The following GAB2 variants were observed in gnomAD, a reference collection of about 807,000 sequenced individuals.
GAB2 encodes the protein GRB2 associated binding protein 2, also known as GRB2-associated-binding protein 2.
A neutral mutation model predicts 65.5 loss-of-function variants in GAB2; 26 were observed. The ratio of observed to expected loss-of-function variants is 0.40; its 90% confidence interval spans 0.29 to 0.55. The LOEUF (loss-of-function observed/expected upper bound fraction) is 0.55. Ranked by LOEUF, GAB2 falls within the 20% of genes least tolerant of loss-of-function variation. GAB2 has a pLI of 0.53. For synonymous variants in GAB2, 321 were observed against 329.6 expected (o/e 0.97, Z 0.28); for missense variants, 884 against 875.8 (o/e 1.01, Z -0.12).
chr11:78,330,121 T>C (rs1855890571), intron 1 of GAB2, among the ~76,000 whole-genome samples: 2 of 152,164 alleles, frequency 1.3e-5, no homozygotes, highest in South Asian at 4.1e-4. Context: ...TGACCTCCCA[T>C]ACCCGAGACC....
intron 1 of GAB2, chr11:78,341,742 T>C: frequency 1.0e-6 from 1 of 985,776 alleles, no homozygotes; most frequent in African/African-American, 1.7e-5. Context: ...GCCATACTCT[T>C]TGTTTCCCAA....
At chr11:78,254,686 C>T (rs1865547563) in intron 2 of GAB2, among the ~76,000 whole-genome samples, 1 of 151,966 alleles carries the variant, frequency 6.6e-6, no homozygotes, top group Non-Finnish European at 1.5e-5. Flanking sequence ...GTAGGCCTAG[C>T]TACTTAGGAG....
In GAB2 at chr11:78,379,750, A is replaced by G. The variant is rs558124421; in HGVS notation, c.75+37896T>C. ...GTCATGTCTGTCATTGTGACTGAAC[A>G]AATACAACCCTGAACAAATAAATCA... is the stretch of plus-strand genomic sequence containing the variant. On this transcript the variant is annotated intron_variant, in intron 1 of 9. Coordinates refer to ENST00000361507, the MANE Select transcript of GAB2 (RefSeq NM_080491.3). Among the ~76,000 whole-genome samples the G allele has an allele frequency of 9.2e-5, 14 of 152,358 alleles. No individual in the cohort carries two copies. In the South Asian group the frequency reaches 2.5e-3, roughly 27 times the overall value.
rs1273316021 is a variant in GAB2 at position 78,302,154 on chromosome 11, C to T, written c.76-21253G>A. Among the ~76,000 whole-genome samples the T allele has an allele frequency of 2.0e-5, 3 of 152,038 alleles. No homozygotes were observed. The East Asian group carries it at 5.8e-4, about 29-fold the overall frequency. ...AGGAAAAGATTTCATGACCATGAAC[C>T]CAAAAGCACAGGTAATAAAAACAAA... On this transcript the variant is annotated intron_variant, in intron 1 of 9. Coordinates refer to ENST00000361507, the MANE Select transcript of GAB2 (RefSeq NM_080491.3).
intron 1 of GAB2, among the ~76,000 whole-genome samples, chr11:78,411,332 T>A (rs528006966): frequency 5.9e-5 from 9 of 152,146 alleles, no homozygotes; most frequent in Admixed American, 2.0e-4. Context: ...CAAGACTTTC[T>A]TTTTTTTGCA....
chr11:78,300,314 T>C (rs973465079), intron 1 of GAB2, among the ~76,000 whole-genome samples: 2 of 139,832 alleles, frequency 1.4e-5, no homozygotes, highest in Non-Finnish European at 2.9e-5. Flanking sequence ...CTGAGTAGTG[T>C]ATGATGGAGG....
chr11:78,278,530 G>A (rs1024582231), intron 2 of GAB2, among the ~76,000 whole-genome samples: 9 of 151,376 alleles, frequency 5.9e-5, no homozygotes, highest in African/African-American at 1.5e-4. Flanking sequence ...ACAGGTGCAC[G>A]TCACCACAGC....
At chr11:78,251,712 T>C (rs935360750) in intron 2 of GAB2, among the ~76,000 whole-genome samples, 25 of 151,860 alleles carry the variant, frequency 1.6e-4, no homozygotes, top group South Asian at 1.3e-3. Flanking sequence ...TACACAGATA[T>C]CATATTCTCT....
At chr11:78,271,666 G>GT (rs769713336) in intron 2 of GAB2, among the ~76,000 whole-genome samples, 5 of 152,160 alleles carry the variant, frequency 3.3e-5, no homozygotes, top group Non-Finnish European at 7.3e-5. Context: ...AAGTAAACAT[G>GT]TAAGTTTTTA....
chr11:78,255,726 G>A (rs1241015198), intron 2 of GAB2, among the ~76,000 whole-genome samples: 2 of 152,212 alleles, frequency 1.3e-5, no homozygotes, highest in African/African-American at 4.8e-5. Context: ...TTGGTAAGTG[G>A]AGTACATTCT....
intron 3 of GAB2, among the ~76,000 whole-genome samples, chr11:78,228,283 G>C (rs149372544): frequency 2.0e-5 from 3 of 152,336 alleles, no homozygotes; most frequent in African/African-American, 7.2e-5. Context: ...AGGGATTTAG[G>C]TCTGCTTCTT....
chr11:78,374,131 GAC>G (rs1856605009), intron 1 of GAB2, among the ~76,000 whole-genome samples: 1 of 152,170 alleles, frequency 6.6e-6, no homozygotes, highest in Non-Finnish European at 1.5e-5. Context: ...GCCAACTTTA[GAC>G]ACACATTCTA....
intron 1 of GAB2, among the ~76,000 whole-genome samples, chr11:78,375,719 A>G (rs1218253487): frequency 2.0e-5 from 3 of 152,220 alleles, no homozygotes; most frequent in African/African-American, 4.8e-5. Flanking sequence ...AAGCTTACAT[A>G]GTCAGTGATA....
intron 1 of GAB2, among the ~76,000 whole-genome samples, chr11:78,394,850 C>T (rs762215911): frequency 2.6e-5 from 4 of 152,196 alleles, no homozygotes; most frequent in Non-Finnish European, 5.9e-5. Flanking sequence ...AACTAAATAC[C>T]AGTTTCTTCT....
chr11:78,243,045 C>T (rs1277240769), intron 3 of GAB2, among the ~76,000 whole-genome samples: 1 of 151,758 alleles, frequency 6.6e-6, no homozygotes, highest in East Asian at 1.9e-4. Flanking sequence ...GCCTGTAATC[C>T]CAGCTACTCG....
At chr11:78,303,318 T>C (rs144463451) in intron 1 of GAB2, among the ~76,000 whole-genome samples, 7 of 152,200 alleles carry the variant, frequency 4.6e-5, no homozygotes, top group Non-Finnish European at 1.5e-5. Context: ...TTAGCTTTGA[T>C]ATTTGTCTAT....
At chr11:78,390,547 C>G (rs569106100) in intron 1 of GAB2, among the ~76,000 whole-genome samples, 1 of 152,186 alleles carries the variant, frequency 6.6e-6, no homozygotes, top group African/African-American at 2.4e-5. Context: ...CAAGATGGTG[C>G]CATTGCACTC....
chr11:78,216,326 T>G lies in GAB2; in HGVS notation c.*2946A>C, dbSNP rs1264670083. On this transcript the variant is annotated 3_prime_UTR_variant, in exon 10 of 10. Coordinates refer to ENST00000361507, the MANE Select transcript of GAB2 (RefSeq NM_080491.3). ...GTGCTGAGTGGGAAGGTATCCCCTTTCCGTAGGCTCAGTCCTCTCCAGGCC... is the reference window on the plus strand; with the variant it reads ...GTGCTGAGTGGGAAGGTATCCCCTTGCCGTAGGCTCAGTCCTCTCCAGGCC... 6.6e-6 allele frequency: 1 copy of G among 152,106 alleles called. No individual in the cohort carries two copies. The highest frequency in any genetic ancestry group is 1.9e-4 in the East Asian group (1 of 5,192). The allele number at this position is 152,106 out of a possible 1,614,324, so 9.4% of individuals were successfully genotyped here.
intron 1 of GAB2, among the ~76,000 whole-genome samples, chr11:78,288,882 A>C (rs1167362354): frequency 6.6e-6 from 1 of 152,256 alleles, no homozygotes; most frequent in Non-Finnish European, 1.5e-5. Context: ...TCTGAAAAAT[A>C]AAATGGGAAG....
Sources: gnomAD v4.1 joint callset for allele counts (sites outside exome capture counted in the v4.1 genomes callset) on GRCh38, gnomAD v4.1.1 for gene constraint, MANE v1.5 for transcripts, NCBI Gene and HGNC (gene_info 2026-07-23, HGNC 2026-07-21) for gene names.